ZPR1: variants seen among roughly 807,000 people sequenced by gnomAD.
The protein encoded by ZPR1 is ZPR1 zinc finger, also known as zinc finger protein ZPR1.
ZPR1 carries 37 observed loss-of-function variants against 59.6 expected under a neutral mutation model. The observed-to-expected ratio is 0.62, with a 90% confidence interval of 0.48 to 0.82. The LOEUF is 0.82. ZPR1 is among the 40% of genes least tolerant of loss of function. The probability of loss-of-function intolerance (pLI) is 0.00; values close to 1 mark genes in which losing one functional copy is unlikely to be tolerated. For synonymous variants in ZPR1, 191 were observed against 215.2 expected (o/e 0.89, Z 0.99); for missense variants, 527 against 579.9 (o/e 0.91, Z 0.94).
intron 8 of ZPR1, 139 bp from the exon 9 acceptor site, chr11:116,784,587 T>C: frequency 2.1e-6 from 2 of 932,812 alleles, no homozygotes; most frequent in Middle Eastern, 2.1e-4. Context: ...CACAGAGTCC[T>C]CCAGAAGAGG....
Position 116,775,101 on chromosome 11 carries a change from G to A in ZPR1, c.*3824C>T, listed in dbSNP as rs1167937665. The A allele has an allele frequency of 1.3e-5, 2 of 152,242 alleles. No individual in the cohort carries two copies. The highest frequency in any genetic ancestry group is 2.4e-5 in the African/African-American group (1 of 41,440). 9.4% of individuals were successfully genotyped at this position (152,242 alleles called of 1,614,324 possible). On this transcript the variant is annotated 3_prime_UTR_variant, in exon 14 of 14. Coordinates refer to ENST00000227322, the MANE Select transcript of ZPR1 (RefSeq NM_003904.5). Reference sequence around the variant, plus strand: ...ACAAATACAGTAATTGTGGAGCTGAGCTTAAAATATTCAGACCTCAGGTTT... The same window carrying A: ...ACAAATACAGTAATTGTGGAGCTGAACTTAAAATATTCAGACCTCAGGTTT...
chr11:116,780,729 C>A (rs1488476962), intron 12 of ZPR1, among the ~76,000 whole-genome samples: 1 of 152,158 alleles, frequency 6.6e-6, no homozygotes, highest in Non-Finnish European at 1.5e-5. Context: ...AAGTTAAATT[C>A]CCCTGTAATA....
intron 10 of ZPR1, among the ~76,000 whole-genome samples, 170 bp downstream of exon 10, chr11:116,783,360 C>T (rs1253930455): frequency 6.6e-6 from 1 of 152,226 alleles, no homozygotes; most frequent in Non-Finnish European, 1.5e-5. Context: ...CCTTCTAAAC[C>T]TGCAATTCCA....
chr11:116,784,880 G>C lies in ZPR1; in HGVS notation c.795C>G (p.Pro265=). 1 of 1,614,186 alleles carries C rather than the reference G, an allele frequency of 6.2e-7. No individual in the cohort carries two copies. The highest frequency in any genetic ancestry group is 8.5e-7 in the Non-Finnish European group (1 of 1,180,020). ...GTACTAGCTTCATGTTGGTCTGAGC[G>C]GGGGCATTGCATTCTGGGCAGTTTG... ...FSTNCPECNA[P]AQTNMKLVQI... Residue 265 remains proline (P), a synonymous_variant, in exon 8 of 14, where the codon CCC becomes CCG. Coordinates refer to ENST00000227322, the MANE Select transcript of ZPR1 (RefSeq NM_003904.5).
Position 116,785,843 on chromosome 11 carries a change from T to C in ZPR1, c.535A>G (p.Ile179Val), listed in dbSNP as rs775455702. 10 of 1,614,240 alleles carry C rather than the reference T, an allele frequency of 6.2e-6. 1 individual carries two copies. In the South Asian group the frequency reaches 8.8e-5, roughly 14 times the overall value. The change falls in exon 5 of 14, where the codon ATT becomes GTT. Residue 179 changes from isoleucine (I) to valine (V), a missense_variant. Transcript: ENST00000227322. ...TGCTTTAGCTCCTTCAGTTTGACAA[T>C]GAACTCATCAATTCTTTCAGCTGTA... is the stretch of plus-strand genomic sequence containing the variant. ...DATAERIDEF[I>V]VKLKELKQVA...
chr11:116,784,256 G>A, intron 9 of ZPR1, 122 bp downstream of exon 9: 1 of 1,003,668 alleles, frequency 1.0e-6, no homozygotes, highest in Non-Finnish European at 1.5e-6. Context: ...CTAGACCTAA[G>A]AAAAAGACCC....
In ZPR1 at chr11:116,783,590, C is replaced by T; in HGVS notation, c.921G>A (p.Leu307=). The change falls in exon 10 of 14, where the codon TTG becomes TTA. Residue 307 remains leucine, a synonymous_variant. Coordinates refer to ENST00000227322, the MANE Select transcript of ZPR1 (RefSeq NM_003904.5). The part of the protein sequence containing the change: ...EVKSGGAVEP[L]GTRITLHITD... ...TGATGTGGAGGGTGATCCTGGTGCC[C>T]AAGGGTTCTACTGCTCCTCCAGATT... The T allele has an allele frequency of 6.2e-7, 1 of 1,614,072 alleles. No individual in the cohort carries two copies. Among genetic ancestry groups the T allele is most frequent in the Non-Finnish European group, 8.5e-7 (1 of 1,179,994 alleles).
rs1293323200 is a variant in ZPR1, at chr11:116,779,812, T to A, written c.1205A>T (p.His402Leu). ...TCCTGCTGGATCATCCATAATAAAG[T>A]GGGCCTTCATGTTACCTTCGATGAT... is the stretch of plus-strand genomic sequence containing the variant. ...DQIIEGNMKA[H>L]FIMDDPAGNS... is the part of the protein sequence containing the mutation. The change falls in exon 13 of 14, where the codon CAC becomes CTC. Residue 402 changes from histidine to leucine, a missense_variant. Coordinates refer to ENST00000227322, the MANE Select transcript of ZPR1 (RefSeq NM_003904.5). The A allele has an allele frequency of 1.2e-6, 2 of 1,601,774 alleles. No homozygotes were observed. Among genetic ancestry groups the A allele is most frequent in the Admixed American group, 3.4e-5 (2 of 58,728 alleles).
rs1940696392 is a variant in ZPR1, at chr11:116,774,523, A to G, written c.*4402T>C. 1 of 152,150 alleles carries G rather than the reference A, an allele frequency of 6.6e-6. No individual in the cohort carries two copies. Among genetic ancestry groups the G allele is most frequent in the Admixed American group, 6.5e-5 (1 of 15,278 alleles). 9.4% of individuals were successfully genotyped at this position (152,150 alleles called of 1,614,324 possible). On this transcript the variant is annotated 3_prime_UTR_variant, in exon 14 of 14. Transcript: ENST00000227322. Reference sequence around the variant, plus strand: ...GGCTATACTTTATAAATAAATACACATTATCTGGGGATAAGTGTTTAAAAA... The same window carrying G: ...GGCTATACTTTATAAATAAATACACGTTATCTGGGGATAAGTGTTTAAAAA...
In ZPR1 at chr11:116,787,772, G is replaced by A. The variant is rs761650926; in HGVS notation, c.171+48C>T. The A allele has an allele frequency of 3.5e-5, 54 of 1,524,826 alleles. 1 individual carries two copies. Among genetic ancestry groups the A allele is most frequent in the Non-Finnish European group, 4.5e-5 (51 of 1,135,292 alleles). The allele number at this position is 1,524,826 out of a possible 1,614,324, so 94.5% of individuals were successfully genotyped here. A position where few individuals can be genotyped will look rare whatever the true frequency, so the allele number is the denominator to read the frequency against. Reference sequence around the variant, plus strand: ...CTGGGTCTGACCCCCGGCTCGTCCCGGCACAAGCCCTACCCACCCGCCGCT... The same window carrying A: ...CTGGGTCTGACCCCCGGCTCGTCCCAGCACAAGCCCTACCCACCCGCCGCT... On this transcript the variant is annotated intron_variant, in intron 1 of 13. Coordinates refer to ENST00000227322, the MANE Select transcript of ZPR1 (RefSeq NM_003904.5).
chr11:116,783,811 T>C (rs1940846155), intron 9 of ZPR1, among the ~76,000 whole-genome samples, 192 bp from the exon 10 acceptor site: 1 of 145,066 alleles, frequency 6.9e-6, no homozygotes, highest in African/African-American at 2.6e-5. Flanking sequence ...CCAACCCTGG[T>C]AACGTGCCAA....
At position 116,773,924 on chromosome 11, in the gene ZPR1, G is replaced by A. The variant is rs1030164418; in HGVS notation, c.*5001C>T. On this transcript the variant is annotated 3_prime_UTR_variant, in exon 14 of 14. Coordinates refer to ENST00000227322, the MANE Select transcript of ZPR1 (RefSeq NM_003904.5). Reference sequence around the variant, plus strand: ...ATATTTTACAGATAAGAACTGAAGCGTGGCAAGATTAAGGAAGTTGCTCAA... The same window carrying A: ...ATATTTTACAGATAAGAACTGAAGCATGGCAAGATTAAGGAAGTTGCTCAA... 2 of 152,130 alleles carry A rather than the reference G, an allele frequency of 1.3e-5. No homozygotes were observed. Among genetic ancestry groups the A allele is most frequent in the Non-Finnish European group, 2.9e-5 (2 of 68,028 alleles). The allele number at this position is 152,130 out of a possible 1,614,324, so 9.4% of individuals were successfully genotyped here.
At chr11:116,787,129 C>A in intron 2 of ZPR1, 70 bp from the exon 3 acceptor site, 1 of 1,369,246 alleles carries the variant, frequency 7.3e-7, no homozygotes, top group Non-Finnish European at 1.0e-6. Flanking sequence ...ATAACCAGAC[C>A]GTCCCCTTCC....
At chr11:116,784,953 C>T (rs763569261) in intron 7 of ZPR1, 32 bp from the exon 8 acceptor site, 1 of 1,613,350 alleles carries the variant, frequency 6.2e-7, no homozygotes. Flanking sequence ...AAGGGTGAGC[C>T]CTCCCAGATG....
At chr11:116,785,225 A>G in intron 6 of ZPR1, 79 bp from the exon 7 acceptor site, 1 of 1,515,736 alleles carries the variant, frequency 6.6e-7, no homozygotes, top group Non-Finnish European at 9.1e-7. Flanking sequence ...AGTGGGAGAA[A>G]TGCTCAGGTG....
chr11:116,784,243 G>A (rs74662600), intron 9 of ZPR1, 135 bp downstream of exon 9: 28,824 of 801,802 alleles, frequency 0.036, 1,161 homozygotes, highest in East Asian at 0.18. Context: ...TCATCACCCT[G>A]CACTAGACCT....
At chr11:116,783,451 TA>T in intron 10 of ZPR1, 78 bp downstream of exon 10, 2 of 1,305,290 alleles carry the variant, frequency 1.5e-6, no homozygotes, top group Non-Finnish European at 2.2e-6. Context: ...ACATTATTTC[TA>T]AAAGACAACT....
intron 7 of ZPR1, 50 bp from the exon 8 acceptor site, chr11:116,784,971 C>CAGGCTA: frequency 6.2e-7 from 1 of 1,610,992 alleles, no homozygotes; most frequent in East Asian, 2.2e-5. Context: ...ATGGGATGTT[C>CAGGCTA]AGGCTAAAGA....
At chr11:116,784,822 T>C (rs755239259) in intron 8 of ZPR1, 33 bp downstream of exon 8, 7 of 1,611,790 alleles carry the variant, frequency 4.3e-6, no homozygotes, top group African/African-American at 2.7e-5. Flanking sequence ...CTGAGTCAGA[T>C]GAAGAGCAAC....
Sources: gnomAD v4.1 joint callset for allele counts (sites outside exome capture counted in the v4.1 genomes callset) on GRCh38, gnomAD v4.1.1 for gene constraint, MANE v1.5 for transcripts, NCBI Gene and HGNC (gene_info 2026-07-23, HGNC 2026-07-21) for gene names.